The following STK40 variants were observed in gnomAD, a reference collection of about 807,000 sequenced individuals.
The protein encoded by STK40 is serine/threonine-protein kinase 40.
STK40 carries 13 observed loss-of-function variants against 47.9 expected under a neutral mutation model. That is an observed-to-expected ratio of 0.27 (90% CI 0.18 to 0.43). The LOEUF is 0.43. Ranked by LOEUF, STK40 falls within the 20% of genes least tolerant of loss-of-function variation. STK40 has a pLI of 1.00. For synonymous variants in STK40, 225 were observed against 243.2 expected (o/e 0.93, Z 0.69); for missense variants, 460 against 595.1 (o/e 0.77, Z 2.36).
intron 1 of STK40, among the ~76,000 whole-genome samples, chr1:36,375,954 G>T (rs1171787016): frequency 6.6e-6 from 1 of 151,980 alleles, no homozygotes; most frequent in Admixed American, 6.6e-5. Flanking sequence ...CCCCAGAGGC[G>T]TAGGCTGCAG....
At chr1:36,345,268 G>A (rs919887861) in intron 7 of STK40, among the ~76,000 whole-genome samples, 3 of 152,206 alleles carry the variant, frequency 2.0e-5, no homozygotes, top group African/African-American at 4.8e-5. Flanking sequence ...GCACCCTAGC[G>A]TCACCTCCCT....
chr1:36,376,795 A>G (rs1570466763), intron 1 of STK40, among the ~76,000 whole-genome samples: 1 of 152,038 alleles, frequency 6.6e-6, no homozygotes. Context: ...GGCAACTTCT[A>G]GAAGAAATTT....
intron 4 of STK40, among the ~76,000 whole-genome samples, chr1:36,356,731 TTTC>T (rs1646809843): frequency 6.6e-6 from 1 of 152,138 alleles, no homozygotes; most frequent in Non-Finnish European, 1.5e-5. Context: ...GGCCTCCACA[TTTC>T]TTCTTAAGAG....
intron 1 of STK40, among the ~76,000 whole-genome samples, chr1:36,374,693 G>A (rs1180153852): frequency 6.6e-6 from 1 of 152,222 alleles, no homozygotes; most frequent in Non-Finnish European, 1.5e-5. Flanking sequence ...AGGTAGCCTG[G>A]GAAAGCAGCC....
intron 1 of STK40, among the ~76,000 whole-genome samples, chr1:36,375,483 G>C (rs1646983706): frequency 6.6e-6 from 1 of 151,620 alleles, no homozygotes; most frequent in Non-Finnish European, 1.5e-5. Context: ...CTCCAGCCTG[G>C]GTGACAGAGC....
chr1:36,385,160 G>T (rs1647074735), intron 1 of STK40, among the ~76,000 whole-genome samples: 1 of 152,176 alleles, frequency 6.6e-6, no homozygotes, highest in African/African-American at 2.4e-5. Context: ...GTGAAACACT[G>T]ACCACAGCAA....
intron 7 of STK40, among the ~76,000 whole-genome samples, chr1:36,345,989 A>ATTTTTTTTTTTT (rs1330462605): frequency 1.1e-3 from 21 of 19,584 alleles, no homozygotes; most frequent in South Asian, 2.5e-3. Context: ...ATATATATAT[A>ATTTTTTTTTTTT]TATTTTTTTT....
chr1:36,358,810 C>A lies in STK40; in HGVS notation c.125G>T (p.Gly42Val), dbSNP rs1449252550. The A allele has an allele frequency of 6.2e-7, 1 of 1,614,126 alleles. No individual in the cohort carries two copies. Among genetic ancestry groups the A allele is most frequent in the African/African-American group, 1.3e-5 (1 of 75,028 alleles). The change falls in exon 3 of 11, where the codon GGC (glycine) becomes GTC (valine). Residue 42 changes from glycine (G) to valine (V), a missense_variant. By Grantham distance (109) the Gly-to-Val change is moderately radical. This residue lies in a region of STK40 where 277 missense variants were observed against 358.7 expected (regional missense o/e 0.77). Coordinates refer to ENST00000373132, the MANE Select transcript of STK40 (RefSeq NM_001282547.2). ...AGPFILGPRL[G>V]NSPVPSIVQC... is the part of the protein sequence containing the mutation. The stretch of plus-strand genomic sequence containing the variant: ...CACTATGCTTGGCACCGGTGAGTTG[C>A]CCAGACGGGGACCTACGGCACAGAG...
chr1:36,382,928 G>A (rs1647052401), intron 1 of STK40, among the ~76,000 whole-genome samples: 1 of 152,308 alleles, frequency 6.6e-6, no homozygotes, highest in South Asian at 2.1e-4. Context: ...GTAGAACACA[G>A]ATCTGTCTGA....
At chr1:36,351,454 G>A (rs1011422252) in intron 6 of STK40, among the ~76,000 whole-genome samples, 5 of 152,130 alleles carry the variant, frequency 3.3e-5, no homozygotes, top group East Asian at 3.9e-4. Context: ...GCCCCAGAGC[G>A]GAGGGTGTGC....
At chr1:36,345,993 T>TA (rs1255116115) in intron 7 of STK40, among the ~76,000 whole-genome samples, 22 of 8,554 alleles carry the variant, frequency 2.6e-3, no homozygotes, top group African/African-American at 8.3e-3. Context: ...ATATATATAT[T>TA]TTTTTTTTTT....
rs181169394 is a variant in STK40, at chr1:36,377,465, G to A, written c.-9+8258C>T. 6.7e-3 allele frequency among the ~76,000 whole-genome samples: 1,011 copies of A among 150,498 alleles called. 15 individuals are homozygous for A. Among genetic ancestry groups the A allele is most frequent in the African/African-American group, 0.024 (960 of 40,554 alleles). On this transcript the variant is annotated intron_variant, in intron 1 of 10. Coordinates refer to ENST00000373132, the MANE Select transcript of STK40 (RefSeq NM_001282547.2). The stretch of plus-strand genomic sequence containing the variant: ...GGAGAATTGCTTGAACCTGGGAGGC[G>A]GAGGTTGCAGTGAGCCAAGACCATG...
intron 7 of STK40, among the ~76,000 whole-genome samples, chr1:36,346,948 C>T (rs1003904846): frequency 2.6e-5 from 4 of 152,154 alleles, no homozygotes; most frequent in Non-Finnish European, 5.9e-5. Context: ...GTAGAGGGTG[C>T]CAGACTGTGC....
In STK40 at chr1:36,341,432, G is replaced by A. The variant is rs1179869699; in HGVS notation, c.*323C>T. ...CCGCTGGGGAAGGCCCTGGAGTGGG[G>A]TGAGCAGGCTCCCTCCTCCCTCTTG... is the stretch of plus-strand genomic sequence containing the variant. On this transcript the variant is annotated 3_prime_UTR_variant, in exon 11 of 11. Coordinates refer to ENST00000373132, the MANE Select transcript of STK40 (RefSeq NM_001282547.2). 3 of 291,088 alleles carry A rather than the reference G, an allele frequency of 1.0e-5. No homozygotes were observed. Among genetic ancestry groups the A allele is most frequent in the South Asian group, 7.4e-5 (2 of 27,068 alleles). The allele number at this position is 291,088 out of a possible 1,614,324, so 18.0% of individuals were successfully genotyped here. A position where few individuals can be genotyped will look rare whatever the true frequency, so the allele number is the denominator to read the frequency against.
chr1:36,350,406 G>C (rs1231283361), intron 6 of STK40, among the ~76,000 whole-genome samples: 1 of 152,230 alleles, frequency 6.6e-6, no homozygotes, highest in Non-Finnish European at 1.5e-5. Context: ...AATGCATCCT[G>C]TGGGTCTCTG....
chr1:36,370,880 CTTTTT>C (rs776772949), intron 1 of STK40, among the ~76,000 whole-genome samples: 1 of 141,614 alleles, frequency 7.1e-6, no homozygotes, highest in Non-Finnish European at 1.6e-5. Flanking sequence ...CCGTACTACA[CTTTTT>C]TTTTTTTTTT....
chr1:36,371,989 T>A (rs1646952480), intron 1 of STK40, among the ~76,000 whole-genome samples: 1 of 152,012 alleles, frequency 6.6e-6, no homozygotes, highest in Non-Finnish European at 1.5e-5. Flanking sequence ...AGAGCAAGAC[T>A]CCGTCTCAAA....
At chr1:36,379,323 T>C (rs1171537146) in intron 1 of STK40, among the ~76,000 whole-genome samples, 1 of 152,074 alleles carries the variant, frequency 6.6e-6, no homozygotes. Flanking sequence ...ACTGCTAAGT[T>C]CTGGGGAGCC....
At chr1:36,371,622 A>G (rs111940062) in intron 1 of STK40, among the ~76,000 whole-genome samples, 1 of 148,050 alleles carries the variant, frequency 6.8e-6, no homozygotes, top group East Asian at 2.0e-4. Context: ...TGCCTGTGTA[A>G]TCACAGATCA....
Sources: gnomAD v4.1 joint callset for allele counts (sites outside exome capture counted in the v4.1 genomes callset) on GRCh38, gnomAD v4.1.1 for gene constraint, gnomAD v4.1.1 regional missense constraint, MANE v1.5 for transcripts, NCBI Gene and HGNC (gene_info 2026-07-23, HGNC 2026-07-21) for gene names.